Variants in MECOM observed in about 807,000 individuals in gnomAD.
MECOM encodes MDS1 and EVI1 complex locus.
A neutral mutation model predicts 116.3 loss-of-function variants in MECOM; 13 were observed. The observed-to-expected ratio is 0.11, with a 90% CI of 0.07 to 0.18. MECOM has a LOEUF of 0.18. Ranked by LOEUF, MECOM falls within the 10% of genes least tolerant of loss-of-function variation. The probability of loss-of-function intolerance (pLI) is 1.00; values close to 1 mark genes in which losing one functional copy is unlikely to be tolerated. For missense variants in MECOM, 1,299 were observed against 1,509.0 expected (o/e 0.86, Z 2.31); for synonymous variants, 528 against 535.2 (o/e 0.99, Z 0.19).
intron 3 of MECOM, among the ~76,000 whole-genome samples, chr3:169,141,668 C>G (rs768041579): frequency 6.6e-6 from 1 of 151,978 alleles, no homozygotes; most frequent in East Asian, 1.9e-4. Context: ...TATGCATACA[C>G]TATTTGGGTG....
intron 1 of MECOM, among the ~76,000 whole-genome samples, chr3:169,394,255 G>A (rs1224744471): frequency 6.6e-6 from 1 of 152,110 alleles, no homozygotes; most frequent in South Asian, 2.1e-4. Flanking sequence ...CCATGAGGGG[G>A]TCACAAAAAA....
intron 1 of MECOM, among the ~76,000 whole-genome samples, chr3:169,519,423 T>C (rs1372981835): frequency 6.6e-6 from 1 of 152,206 alleles, no homozygotes; most frequent in East Asian, 1.9e-4. Flanking sequence ...CCCATTTAAA[T>C]ACACAAAATT....
intron 1 of MECOM, among the ~76,000 whole-genome samples, chr3:169,620,726 A>G (rs1258409531): frequency 6.6e-6 from 1 of 152,250 alleles, no homozygotes; most frequent in African/African-American, 2.4e-5. Flanking sequence ...CACCAGGCTC[A>G]TGGGAGCAAG....
chr3:169,543,231 C>A (rs1760314064), intron 1 of MECOM, among the ~76,000 whole-genome samples: 1 of 152,142 alleles, frequency 6.6e-6, no homozygotes, highest in South Asian at 2.1e-4. Context: ...CTTATAAATG[C>A]AAGCAAATAT....
At chr3:169,610,906 A>C (rs546331504) in intron 1 of MECOM, among the ~76,000 whole-genome samples, 44 of 152,294 alleles carry the variant, frequency 2.9e-4, no homozygotes, top group African/African-American at 1.0e-3. Flanking sequence ...TGGATGACTG[A>C]GTCTGTGTGG....
intron 1 of MECOM, among the ~76,000 whole-genome samples, chr3:169,608,686 AT>A (rs952546778): frequency 6.6e-6 from 1 of 152,154 alleles, no homozygotes; most frequent in African/African-American, 2.4e-5. Flanking sequence ...GGCTCTGAGC[AT>A]TTGCTTAAAG....
intron 2 of MECOM, among the ~76,000 whole-genome samples, chr3:169,188,437 A>G (rs560292232): frequency 6.6e-6 from 1 of 152,236 alleles, no homozygotes; most frequent in Admixed American, 6.5e-5. Context: ...GAATTAAGGA[A>G]GAAAACAAGG....
chr3:169,477,080 GAT>G (rs1491392467), intron 1 of MECOM: 4 of 103,598 alleles, frequency 3.9e-5, no homozygotes, highest in Non-Finnish European at 7.1e-5. Context: ...GGATAAGTAA[GAT>G]GTGTGTGTGT....
chr3:169,619,454 C>T (rs1274878227), intron 1 of MECOM, among the ~76,000 whole-genome samples: 1 of 152,170 alleles, frequency 6.6e-6, no homozygotes, highest in Non-Finnish European at 1.5e-5. Flanking sequence ...GCTCATGAAG[C>T]AGGGAGGCAC....
intron 1 of MECOM, among the ~76,000 whole-genome samples, chr3:169,390,578 A>C (rs1734059186): frequency 6.6e-6 from 1 of 152,302 alleles, no homozygotes; most frequent in East Asian, 1.9e-4. Context: ...CTTTAAAAAA[A>C]AAGTGTTTAA....
At chr3:169,405,906 G>A (rs992093018) in intron 1 of MECOM, among the ~76,000 whole-genome samples, 5 of 152,190 alleles carry the variant, frequency 3.3e-5, no homozygotes, top group Non-Finnish European at 7.3e-5. Flanking sequence ...GGTTGAAGCT[G>A]GGTTTACAGA....
At chr3:169,201,667 G>C (rs1001578358) in intron 2 of MECOM, among the ~76,000 whole-genome samples, 2 of 151,938 alleles carry the variant, frequency 1.3e-5, no homozygotes, top group Non-Finnish European at 2.9e-5. Context: ...AATCATGTTG[G>C]CTATATTTAG....
chr3:169,551,418 C>A (rs1193548447), intron 1 of MECOM, among the ~76,000 whole-genome samples: 1 of 151,766 alleles, frequency 6.6e-6, no homozygotes, highest in African/African-American at 2.4e-5. Context: ...TTCTCATCCA[C>A]TCCTCAGAAT....
intron 1 of MECOM, among the ~76,000 whole-genome samples, chr3:169,397,818 T>G (rs1169811379): frequency 6.6e-6 from 1 of 152,226 alleles, no homozygotes; most frequent in Non-Finnish European, 1.5e-5. Context: ...AAGGTTGAAT[T>G]GTCATGGGCA....
At chr3:169,521,625 C>A (rs1273252255) in intron 1 of MECOM, among the ~76,000 whole-genome samples, 1 of 152,160 alleles carries the variant, frequency 6.6e-6, no homozygotes, top group Non-Finnish European at 1.5e-5. Flanking sequence ...CACTTGGGAG[C>A]TTGTTAGAAA....
intron 2 of MECOM, among the ~76,000 whole-genome samples, chr3:169,247,007 A>C (rs2149571229): frequency 6.6e-6 from 1 of 152,306 alleles, no homozygotes; most frequent in South Asian, 2.1e-4. Flanking sequence ...CTATTATTTA[A>C]AGAGATTTTT....
chr3:169,149,944 T>A (rs1377468646), intron 2 of MECOM, among the ~76,000 whole-genome samples: 6 of 70,588 alleles, frequency 8.5e-5, no homozygotes, highest in Non-Finnish European at 1.5e-4. Context: ...TCTGTGTGTG[T>A]GTGTGTGTGT....
rs114595991 is a variant in MECOM, at chr3:169,177,717, G to T, written c.376-33885C>A. On this transcript the variant is annotated intron_variant, in intron 2 of 16. Transcript: ENST00000651503. ...AGATTACCTTAGGTCAGGAGTTCCA[G>T]ACCAGCCTGGACAACCTGGTGAAAT... 4.9e-3 allele frequency among the ~76,000 whole-genome samples: 748 copies of T among 152,232 alleles called. 7 individuals are homozygous for T. The highest frequency in any genetic ancestry group is 0.017 in the African/African-American group (701 of 41,544).
chr3:169,232,439 G>A (rs377573577), intron 2 of MECOM, among the ~76,000 whole-genome samples: 2 of 150,746 alleles, frequency 1.3e-5, no homozygotes, highest in Non-Finnish European at 1.5e-5. Context: ...TCTTAAAAAA[G>A]AAAAAAAAAA....
Sources: gnomAD v4.1 joint callset for allele counts (sites outside exome capture counted in the v4.1 genomes callset) on GRCh38, gnomAD v4.1.1 for gene constraint, MANE v1.5 for transcripts, NCBI Gene and HGNC (gene_info 2026-07-23, HGNC 2026-07-21) for gene names.